Variants in ZNF804A observed in about 807,000 individuals in gnomAD.
ZNF804A encodes the protein zinc finger protein 804A.
A neutral mutation model predicts 16.5 loss-of-function variants in ZNF804A; 2 were observed. The observed-to-expected ratio is 0.12, with a 90% CI of 0.05 to 0.38. ZNF804A has a LOEUF of 0.38. Among genes scored for constraint, ZNF804A ranks in the 10% least tolerant of loss-of-function variants. ZNF804A has a pLI of 0.99. For missense variants in ZNF804A, 1,473 were observed against 1,390.7 expected (o/e 1.06, Z -0.94); for synonymous variants, 534 against 489.6 (o/e 1.09, Z -1.20).
At chr2:184,896,848 TCAGGCAAGCGA>T (rs1685077307) in intron 2 of ZNF804A, among the ~76,000 whole-genome samples, 1 of 151,892 alleles carries the variant, frequency 6.6e-6, no homozygotes, top group Non-Finnish European at 1.5e-5. Context: ...ATATTCTTTA[TCAGGCAAGCGA>T]GTTATCTTCT....
rs772552984 is a variant in ZNF804A at position 184,936,593 on chromosome 2, G to T, written c.1197G>T (p.Leu399Phe). 4.3e-6 allele frequency: 7 copies of T among 1,613,866 alleles called. No homozygotes were observed. In the South Asian group the frequency reaches 7.7e-5, roughly 18 times the overall value. The change falls in exon 4 of 4, where the codon TTG becomes TTT. Residue 399 changes from leucine (L) to phenylalanine (F), a missense_variant. By Grantham distance (22) the Leu-to-Phe change is conservative. Transcript: ENST00000302277. ...EVENKNGPET[L>F]APSNTEEVNI... ...AAAATAAAAATGGTCCCGAGACATT[G>T]GCCCCTTCAAATACTGAAGAGGTTA...
chr2:184,615,197 T>C (rs1276101709), intron 1 of ZNF804A, among the ~76,000 whole-genome samples: 1 of 152,180 alleles, frequency 6.6e-6, no homozygotes, highest in African/African-American at 2.4e-5. Context: ...CATGGAATAC[T>C]ATGCAGCCAT....
chr2:184,610,589 G>A (rs1046487396), intron 1 of ZNF804A, among the ~76,000 whole-genome samples: 2 of 152,020 alleles, frequency 1.3e-5, no homozygotes, highest in Non-Finnish European at 2.9e-5. Flanking sequence ...AATGTCTCAA[G>A]TGGCATAATC....
chr2:184,659,313 T>A (rs1038713068), intron 1 of ZNF804A, among the ~76,000 whole-genome samples: 4 of 152,292 alleles, frequency 2.6e-5, no homozygotes, highest in Non-Finnish European at 5.9e-5. Context: ...TGGCCACTAT[T>A]CATTTGTATG....
chr2:184,619,609 T>C (rs1691385869), intron 1 of ZNF804A, among the ~76,000 whole-genome samples: 2 of 151,986 alleles, frequency 1.3e-5, no homozygotes, highest in African/African-American at 2.4e-5. Context: ...AATATGTTTA[T>C]AATAAAAAAC....
At chr2:184,871,252 A>T (rs1695968577) in intron 2 of ZNF804A, among the ~76,000 whole-genome samples, 1 of 151,826 alleles carries the variant, frequency 6.6e-6, no homozygotes, top group Admixed American at 6.6e-5. Context: ...CTACAGTAAT[A>T]ATCACCTACA....
intron 1 of ZNF804A, among the ~76,000 whole-genome samples, chr2:184,625,369 G>A (rs551786788): frequency 6.6e-6 from 1 of 151,630 alleles, no homozygotes; most frequent in East Asian, 1.9e-4. Flanking sequence ...TGGAAAATTA[G>A]TTAACTTGAA....
At chr2:184,844,181 C>A (rs1049773351) in intron 1 of ZNF804A, among the ~76,000 whole-genome samples, 2 of 151,708 alleles carry the variant, frequency 1.3e-5, no homozygotes, top group Non-Finnish European at 2.9e-5. Flanking sequence ...TATACCCCCC[C>A]CCATTTCTTC....
At chr2:184,845,733 A>G (rs1378183362) in intron 1 of ZNF804A, among the ~76,000 whole-genome samples, 1 of 152,104 alleles carries the variant, frequency 6.6e-6, no homozygotes, top group African/African-American at 2.4e-5. Context: ...CATCATCATG[A>G]GAATGTGGTA....
chr2:184,843,780 G>A (rs1197333547), intron 1 of ZNF804A, among the ~76,000 whole-genome samples: 1 of 152,088 alleles, frequency 6.6e-6, no homozygotes, highest in Non-Finnish European at 1.5e-5. Flanking sequence ...TATATTTAAA[G>A]TGGTTTGCTG....
intron 1 of ZNF804A, among the ~76,000 whole-genome samples, chr2:184,708,474 G>A (rs1216895383): frequency 6.6e-6 from 1 of 151,990 alleles, no homozygotes; most frequent in African/African-American, 2.4e-5. Context: ...AACAGAATAG[G>A]GAGCCCAGAA....
intron 1 of ZNF804A, among the ~76,000 whole-genome samples, chr2:184,815,001 A>G (rs1694960184): frequency 1.3e-5 from 2 of 152,030 alleles, no homozygotes; most frequent in Non-Finnish European, 2.9e-5. Flanking sequence ...TGGAATTTAC[A>G]AGAATATCTT....
At chr2:184,696,491 ATG>A (rs1237661144) in intron 1 of ZNF804A, among the ~76,000 whole-genome samples, 10 of 152,280 alleles carry the variant, frequency 6.6e-5, no homozygotes, top group African/African-American at 2.4e-4. Context: ...GGGGTCTAGA[ATG>A]TTGTTCTAAA....
intron 2 of ZNF804A, among the ~76,000 whole-genome samples, chr2:184,871,927 T>C (rs1695982446): frequency 6.6e-6 from 1 of 151,978 alleles, no homozygotes; most frequent in Admixed American, 6.6e-5. Flanking sequence ...AAATAGATGA[T>C]TTTCAAAACA....
At chr2:184,825,020 C>A (rs1380435712) in intron 1 of ZNF804A, among the ~76,000 whole-genome samples, 1 of 152,118 alleles carries the variant, frequency 6.6e-6, no homozygotes, top group African/African-American at 2.4e-5. Flanking sequence ...GTGTCAAAAT[C>A]ATATTTATGA....
chr2:184,936,241 A>C lies in ZNF804A; in HGVS notation c.845A>C (p.Glu282Ala), dbSNP rs778286892. 52 of 1,613,618 alleles carry C rather than the reference A, an allele frequency of 3.2e-5. No individual in the cohort carries two copies. The highest frequency in any genetic ancestry group is 4.0e-5 in the Non-Finnish European group (47 of 1,179,986). ...EEKTNSFHPP[E>A]AMCRDKETVQ... ...AAAACTAACTCTTTTCATCCACCAGAGGCAATGTGCAGAGACAAAGAAACT... is the reference window on the plus strand; with the variant it reads ...AAAACTAACTCTTTTCATCCACCAGCGGCAATGTGCAGAGACAAAGAAACT... Residue 282 changes from glutamate (E) to alanine (A), a missense_variant, in exon 4 of 4, where the codon GAG becomes GCG. Physicochemically the swap from Glu to Ala is moderately radical, Grantham distance 107 (BLOSUM62 -1). Transcript: ENST00000302277.
chr2:184,870,600 C>G (rs1035781712), intron 2 of ZNF804A, among the ~76,000 whole-genome samples: 1 of 151,860 alleles, frequency 6.6e-6, no homozygotes, highest in Non-Finnish European at 1.5e-5. Flanking sequence ...CCATTCAAGT[C>G]GTTCACTGTT....
intron 1 of ZNF804A, among the ~76,000 whole-genome samples, chr2:184,650,532 G>A (rs778430728): frequency 5.9e-5 from 9 of 151,868 alleles, no homozygotes; most frequent in East Asian, 1.9e-4. Flanking sequence ...CTCACTTCAC[G>A]GATGATATAA....
intron 2 of ZNF804A, among the ~76,000 whole-genome samples, chr2:184,904,724 AT>A (rs1335837010): frequency 2.0e-5 from 3 of 152,062 alleles, no homozygotes; most frequent in Admixed American, 2.0e-4. Flanking sequence ...TACTCCTGTT[AT>A]ATAATCAAGA....
Sources: gnomAD v4.1 joint callset for allele counts (sites outside exome capture counted in the v4.1 genomes callset) on GRCh38, gnomAD v4.1.1 for gene constraint, MANE v1.5 for transcripts, NCBI Gene and HGNC (gene_info 2026-07-23, HGNC 2026-07-21) for gene names.